The following TTC3 variants were observed in gnomAD, a reference collection of about 807,000 sequenced individuals.
TTC3 encodes E3 ubiquitin-protein ligase TTC3.
In TTC3, 180 loss-of-function variants were observed where a neutral mutation model predicts 249.6. That is an observed-to-expected ratio of 0.72 (90% CI 0.64 to 0.82). TTC3 has a LOEUF of 0.82. Ranked by LOEUF, TTC3 falls within the 40% of genes least tolerant of loss-of-function variation. The probability of loss-of-function intolerance (pLI) is 0.00; values close to 1 mark genes in which losing one functional copy is unlikely to be tolerated. For synonymous variants in TTC3, 717 were observed against 805.0 expected (o/e 0.89, Z 1.85); for missense variants, 2,061 against 2,398.4 (o/e 0.86, Z 2.94).
At chr21:37,154,363 C>A (rs565394034) in intron 27 of TTC3, among the ~76,000 whole-genome samples, 1 of 152,132 alleles carries the variant, frequency 6.6e-6, no homozygotes, top group African/African-American at 2.4e-5. Context: ...CCAGAAGAGA[C>A]GATGTAAGAT....
chr21:37,167,254 C>G (rs565180052), intron 33 of TTC3, among the ~76,000 whole-genome samples: 322 of 152,176 alleles, frequency 2.1e-3, no homozygotes, highest in African/African-American at 6.9e-3. Flanking sequence ...CAAGATTCTC[C>G]TATGGTTGCC....
intron 11 of TTC3, among the ~76,000 whole-genome samples, chr21:37,114,641 C>T (rs915788128): frequency 6.6e-6 from 1 of 151,796 alleles, no homozygotes; most frequent in African/African-American, 2.4e-5. Flanking sequence ...TCAGGGATCT[C>T]GAACTAGAAA....
chr21:37,154,628 GAGCCCTCCAGCTC>G (rs1207843715), intron 27 of TTC3, among the ~76,000 whole-genome samples: 20 of 152,198 alleles, frequency 1.3e-4, no homozygotes, highest in African/African-American at 4.1e-4. Flanking sequence ...TGCAGCACTT[GAGCCCTCCAGCTC>G]ACTGGCAGGA....
intron 16 of TTC3, among the ~76,000 whole-genome samples, chr21:37,131,374 C>A (rs1261377353): frequency 6.6e-6 from 1 of 152,108 alleles, no homozygotes; most frequent in African/African-American, 2.4e-5. Flanking sequence ...CATAATGAAA[C>A]CTTAGTAAAG....
At chr21:37,144,470 G>T in intron 20 of TTC3, 55 bp from the exon 21 acceptor site, 1 of 1,569,128 alleles carries the variant, frequency 6.4e-7, no homozygotes, top group Non-Finnish European at 8.6e-7. Flanking sequence ...ACTTTTGAAG[G>T]GAGTGAAAAT....
intron 1 of TTC3, among the ~76,000 whole-genome samples, chr21:37,075,078 T>C (rs977473326): frequency 5.3e-5 from 8 of 152,168 alleles, no homozygotes; most frequent in Admixed American, 6.5e-5. Flanking sequence ...TTTTATACTT[T>C]GATCAAGGTG....
intron 11 of TTC3, among the ~76,000 whole-genome samples, chr21:37,116,579 C>T (rs1038157831): frequency 6.6e-6 from 1 of 151,878 alleles, no homozygotes; most frequent in African/African-American, 2.4e-5. Flanking sequence ...GAGGCTGAGG[C>T]GGGCAGATCA....
At chr21:37,083,182 A>G (rs1010329157) in intron 1 of TTC3, 2 of 985,312 alleles carry the variant, frequency 2.0e-6, no homozygotes, top group Admixed American at 1.2e-4. Flanking sequence ...AAGAACTAAT[A>G]GACATTAGGT....
chr21:37,157,202 A>G, intron 28 of TTC3: 4 of 1,342,896 alleles, frequency 3.0e-6, no homozygotes, highest in Non-Finnish European at 3.9e-6. Flanking sequence ...TGTTACACTG[A>G]CAGAATCTAT....
intron 15 of TTC3, among the ~76,000 whole-genome samples, chr21:37,127,419 A>G (rs1294151732): frequency 6.6e-6 from 1 of 152,146 alleles, no homozygotes; most frequent in Non-Finnish European, 1.5e-5. Flanking sequence ...ACTTGGCATC[A>G]TTTGGAGATG....
chr21:37,124,755 G>T lies in TTC3; in HGVS notation c.1233+13G>T. On this transcript the variant is annotated intron_variant, in intron 14 of 45. Coordinates refer to ENST00000355666, the Ensembl canonical transcript of TTC3. The stretch of plus-strand genomic sequence containing the variant: ...TCAGAATCTAAAGGTAAGCTCCATT[G>T]AAAACTACAGTTTTTTTCAAGGATA... 6.2e-7 allele frequency: 1 copy of T among 1,605,662 alleles called. No homozygotes were observed. The highest frequency in any genetic ancestry group is 1.1e-5 in the South Asian group (1 of 89,860).
intron 34 of TTC3, among the ~76,000 whole-genome samples, chr21:37,169,778 GCA>G (rs2081578133): frequency 6.6e-6 from 1 of 151,658 alleles, no homozygotes. Context: ...AACCCAGGAG[GCA>G]CAGGTTGCAG....
At chr21:37,074,023 CTT>C (rs2070441313) in intron 1 of TTC3, among the ~76,000 whole-genome samples, 1 of 152,276 alleles carries the variant, frequency 6.6e-6, no homozygotes, top group African/African-American at 2.4e-5. Flanking sequence ...GTGGGTATCT[CTT>C]GTGTGCAGGT....
chr21:37,110,258 C>A (rs1199439198), intron 11 of TTC3, among the ~76,000 whole-genome samples: 2 of 152,098 alleles, frequency 1.3e-5, no homozygotes, highest in Admixed American at 6.6e-5. Context: ...TCAAACTACT[C>A]CGAGCTAAAG....
intron 10 of TTC3, among the ~76,000 whole-genome samples, chr21:37,104,038 C>T (rs1256004804): frequency 6.6e-6 from 1 of 152,078 alleles, no homozygotes. Context: ...TAGCCCAGGC[C>T]AGAGATGATG....
chr21:37,078,712 T>C (rs953246753), intron 1 of TTC3, among the ~76,000 whole-genome samples: 1 of 152,176 alleles, frequency 6.6e-6, no homozygotes, highest in African/African-American at 2.4e-5. Flanking sequence ...TCCTTTGTGT[T>C]TTCTGTGTGG....
chr21:37,089,600 G>A (rs1391284810), intron 5 of TTC3, among the ~76,000 whole-genome samples: 2 of 151,992 alleles, frequency 1.3e-5, no homozygotes, highest in Non-Finnish European at 1.5e-5. Flanking sequence ...TGCCATCTTC[G>A]CCTCCCGGAT....
At chr21:37,115,707 T>C (rs1368360867) in intron 11 of TTC3, among the ~76,000 whole-genome samples, 1 of 152,222 alleles carries the variant, frequency 6.6e-6, no homozygotes, top group Admixed American at 6.5e-5. Flanking sequence ...TTCTCCAACC[T>C]CACTGCTCCT....
chr21:37,077,252 A>T lies in TTC3; in HGVS notation c.-12+3888A>T, dbSNP rs145859830. On this transcript the variant is annotated intron_variant, in intron 1 of 45. Transcript: ENST00000355666. ...TTTGCAATTATTTAATCTTATGGTG[A>T]TATTTTTTAAATGTCATCTTAATGG... 1.0e-3 allele frequency among the ~76,000 whole-genome samples: 155 copies of T among 152,264 alleles called. 2 individuals carry two copies. The East Asian group carries it at 0.03, about 29-fold the overall frequency.
Sources: allele counts gnomAD v4.1 joint callset (sites outside exome capture counted in the v4.1 genomes callset), GRCh38; gene constraint gnomAD v4.1.1; transcripts MANE v1.5; gene names NCBI Gene and HGNC (gene_info 2026-07-23, HGNC 2026-07-21).